NKAIN2: variants seen among roughly 807,000 people sequenced by gnomAD.
The protein encoded by NKAIN2 is sodium/potassium transporting ATPase interacting 2.
Under a neutral mutation model 32.6 loss-of-function variants are expected in NKAIN2, and 14 were observed. That is an observed-to-expected ratio of 0.43 (90% CI 0.28 to 0.67). The LOEUF (loss-of-function observed/expected upper bound fraction) is 0.67. Ranked by LOEUF, NKAIN2 falls within the 30% of genes least tolerant of loss-of-function variation. The pLI is 0.17. For synonymous variants in NKAIN2, 80 were observed against 87.2 expected, an observed-to-expected ratio of 0.92 and a Z score of 0.46; for missense variants, 198 against 258.3, an observed-to-expected ratio of 0.77 and a Z score of 1.60.
intron 4 of NKAIN2, among the ~76,000 whole-genome samples, chr6:124,696,219 G>A (rs979750334): frequency 1.3e-5 from 2 of 152,098 alleles, no homozygotes; most frequent in Non-Finnish European, 2.9e-5. Context: ...ACCTACCTTG[G>A]AGAAGATGAA....
chr6:123,927,332 T>G (rs1441049122), intron 1 of NKAIN2, among the ~76,000 whole-genome samples: 1 of 152,218 alleles, frequency 6.6e-6, no homozygotes, highest in African/African-American at 2.4e-5. Flanking sequence ...AAACATTCTG[T>G]TTTGTTCCTA....
At chr6:124,663,275 C>A (rs750283175) in intron 4 of NKAIN2, among the ~76,000 whole-genome samples, 6 of 151,446 alleles carry the variant, frequency 4.0e-5, no homozygotes, top group South Asian at 2.1e-4. Context: ...AATACACACA[C>A]AAAAAAATAG....
At chr6:124,620,759 A>G (rs1227795560) in intron 3 of NKAIN2, among the ~76,000 whole-genome samples, 1 of 152,184 alleles carries the variant, frequency 6.6e-6, no homozygotes, top group Non-Finnish European at 1.5e-5. Flanking sequence ...AACAAGCTCA[A>G]AAGCTTGGAG....
chr6:124,591,669 A>G (rs1467767665), intron 3 of NKAIN2, among the ~76,000 whole-genome samples: 1 of 152,198 alleles, frequency 6.6e-6, no homozygotes, highest in Non-Finnish European at 1.5e-5. Flanking sequence ...ATCAGTACAA[A>G]TAATAGAGAG....
intron 4 of NKAIN2, among the ~76,000 whole-genome samples, chr6:124,759,588 AACACACACAC>A (rs542448143): frequency 0.015 from 1,292 of 84,486 alleles, 31 homozygotes; most frequent in African/African-American, 0.026. Context: ...CTGAAATTGC[AACACACACAC>A]ACACACACAC....
At chr6:123,839,301 T>G (rs533119187) in intron 1 of NKAIN2, among the ~76,000 whole-genome samples, 9 of 152,270 alleles carry the variant, frequency 5.9e-5, no homozygotes, top group Non-Finnish European at 1.3e-4. Flanking sequence ...TAATATAATT[T>G]TTAGTACTTT....
chr6:124,708,091 T>A (rs1240846610), intron 4 of NKAIN2, among the ~76,000 whole-genome samples: 48 of 149,394 alleles, frequency 3.2e-4, no homozygotes, highest in Admixed American at 6.0e-4. Context: ...CCATTTATTA[T>A]ATAGGGAATC....
chr6:124,488,036 A>G (rs530204961), intron 3 of NKAIN2, among the ~76,000 whole-genome samples: 38 of 152,242 alleles, frequency 2.5e-4, no homozygotes, highest in Admixed American at 2.4e-3. Flanking sequence ...GAAATTCCCT[A>G]AGTAACTTTA....
chr6:124,224,186 T>C (rs1791986886), intron 1 of NKAIN2, among the ~76,000 whole-genome samples: 1 of 152,144 alleles, frequency 6.6e-6, no homozygotes, highest in African/African-American at 2.4e-5. Context: ...TATGCACATA[T>C]TTTCATGCAT....
chr6:123,973,681 G>A (rs1007313089), intron 1 of NKAIN2, among the ~76,000 whole-genome samples: 1 of 151,944 alleles, frequency 6.6e-6, no homozygotes, highest in Non-Finnish European at 1.5e-5. Context: ...CTGTAGTTTT[G>A]ACATTGAAAG....
At chr6:123,955,096 C>A (rs763136947) in intron 1 of NKAIN2, among the ~76,000 whole-genome samples, 3 of 149,938 alleles carry the variant, frequency 2.0e-5, no homozygotes, top group Non-Finnish European at 4.4e-5. Context: ...AATATTTATT[C>A]TTCCAGAAAC....
At chr6:124,721,574 T>G (rs974668148) in intron 4 of NKAIN2, among the ~76,000 whole-genome samples, 1 of 152,204 alleles carries the variant, frequency 6.6e-6, no homozygotes, top group African/African-American at 2.4e-5. Context: ...TTTTATATAA[T>G]ATTTAAATGG....
chr6:123,917,433 G>A (rs550478913), intron 1 of NKAIN2, among the ~76,000 whole-genome samples: 12 of 152,196 alleles, frequency 7.9e-5, no homozygotes, highest in African/African-American at 2.2e-4. Flanking sequence ...GAATGTGTAC[G>A]TTTAGGCAAA....
At chr6:123,886,877 A>T (rs1773740744) in intron 1 of NKAIN2, among the ~76,000 whole-genome samples, 1 of 152,114 alleles carries the variant, frequency 6.6e-6, no homozygotes, top group Non-Finnish European at 1.5e-5. Context: ...GTTGAAAAAT[A>T]CTTAGTGAAA....
intron 2 of NKAIN2, among the ~76,000 whole-genome samples, chr6:124,316,445 C>A (rs1343420424): frequency 6.6e-6 from 1 of 152,008 alleles, no homozygotes; most frequent in Non-Finnish European, 1.5e-5. Flanking sequence ...GTAAATTAAG[C>A]AAACTGTATG....
chr6:124,604,604 A>C (rs951122757), intron 3 of NKAIN2, among the ~76,000 whole-genome samples: 7 of 151,584 alleles, frequency 4.6e-5, no homozygotes, highest in African/African-American at 7.3e-5. Flanking sequence ...AGAAAAAATA[A>C]AAAATGTATT....
intron 3 of NKAIN2, among the ~76,000 whole-genome samples, chr6:124,523,097 C>T (rs1309852407): frequency 2.6e-5 from 2 of 76,832 alleles, no homozygotes; most frequent in African/African-American, 6.5e-5. Flanking sequence ...GAGCCGAGAT[C>T]GCGCCACAGC....
intron 2 of NKAIN2, among the ~76,000 whole-genome samples, chr6:124,333,464 A>G (rs1195024713): frequency 1.3e-5 from 2 of 152,140 alleles, no homozygotes; most frequent in African/African-American, 4.8e-5. Context: ...GTTGGAGACC[A>G]GCCTGGCCAA....
rs1469878876 is a variant in NKAIN2, at chr6:123,830,405, TA to T, written c.54+26153del. ...ATAATTTACAAGGACATGCCTGGCC[TA>T]ACCCCTTCCCTGTCTCACTCCCCTT... On this transcript the variant is annotated intron_variant, in intron 1 of 6. Transcript: ENST00000368417. Among the ~76,000 whole-genome samples, 5 of 152,288 alleles carry T rather than the reference TA, an allele frequency of 3.3e-5. No individual in the cohort carries two copies. In the East Asian group the frequency reaches 9.7e-4, roughly 29 times the overall value.
Sources: allele counts gnomAD v4.1 joint callset (sites outside exome capture counted in the v4.1 genomes callset), GRCh38; gene constraint gnomAD v4.1.1; transcripts MANE v1.5; gene names NCBI Gene and HGNC (gene_info 2026-07-23, HGNC 2026-07-21).